MALRD1: variants seen among roughly 807,000 people sequenced by gnomAD.
The protein encoded by MALRD1 is MAM and LDL receptor class A domain containing 1, also known as MAM and LDL-receptor class A domain-containing protein 1.
MALRD1 carries 247 observed loss-of-function variants against 242.1 expected under a neutral mutation model. That is an observed-to-expected ratio of 1.02 (90% CI 0.92 to 1.13). The LOEUF is 1.13. Ranked by LOEUF, MALRD1 falls within the 50% of genes most tolerant of loss-of-function variation. The pLI is 0.00. For missense variants in MALRD1, 2,989 were observed against 2,533.1 expected, an observed-to-expected ratio of 1.18 and a Z score of -3.86; for synonymous variants, 995 against 866.6, an observed-to-expected ratio of 1.15 and a Z score of -2.60.
At chr10:19,409,869 A>G (rs1252842307) in intron 28 of MALRD1, among the ~76,000 whole-genome samples, 1 of 152,176 alleles carries the variant, frequency 6.6e-6, no homozygotes, top group Non-Finnish European at 1.5e-5. Flanking sequence ...AAGCATCTCC[A>G]TCTTCTTTTT....
intron 21 of MALRD1, among the ~76,000 whole-genome samples, chr10:19,293,750 A>G (rs895257459): frequency 6.6e-6 from 1 of 151,664 alleles, no homozygotes; most frequent in Non-Finnish European, 1.5e-5. Flanking sequence ...ACTGTGACCT[A>G]TTTGAGGGTG....
chr10:19,727,251 A>G (rs1835069541), intron 38 of MALRD1, among the ~76,000 whole-genome samples: 1 of 152,172 alleles, frequency 6.6e-6, no homozygotes, highest in Admixed American at 6.5e-5. Context: ...CCTCGAAGTC[A>G]TGTTTACTGG....
chr10:19,315,833 T>A (rs1001857688), intron 21 of MALRD1, among the ~76,000 whole-genome samples: 4 of 145,544 alleles, frequency 2.7e-5, no homozygotes, highest in Admixed American at 7.0e-5. Flanking sequence ...TTAGCTGAAA[T>A]TTTTAAATTA....
At chr10:19,537,112 A>G (rs145120324) in intron 32 of MALRD1, among the ~76,000 whole-genome samples, 244 of 152,326 alleles carry the variant, frequency 1.6e-3, no homozygotes, top group Non-Finnish European at 2.9e-3. Flanking sequence ...AAGATTGAAG[A>G]TGGAGGAAGA....
At chr10:19,627,247 G>A (rs1489434914) in intron 36 of MALRD1, among the ~76,000 whole-genome samples, 1 of 152,138 alleles carries the variant, frequency 6.6e-6, no homozygotes, top group East Asian at 1.9e-4. Context: ...ATTTCTTTGG[G>A]AAAATAGCAT....
rs551392751 is a variant in MALRD1 at position 19,455,078 on chromosome 10, TA to T, written c.5029+4590del. On this transcript the variant is annotated intron_variant, in intron 29 of 39. Transcript: ENST00000454679. ...GCTCTCTCCTTTTTGGACAAGTTAA[TA>T]AGGAAGCAAGGAAGCAAGTAGCTTA... is the stretch of plus-strand genomic sequence containing the variant. Among the ~76,000 whole-genome samples, 587 of 152,232 alleles carry T rather than the reference TA, an allele frequency of 3.9e-3. 5 individuals are homozygous for T. Among genetic ancestry groups the T allele is most frequent in the African/African-American group, 0.014 (567 of 41,544 alleles).
At chr10:19,319,438 A>G (rs918707964) in intron 21 of MALRD1, among the ~76,000 whole-genome samples, 1 of 152,104 alleles carries the variant, frequency 6.6e-6, no homozygotes, top group Non-Finnish European at 1.5e-5. Context: ...AGATGTCCAA[A>G]TACATGTGGA....
chr10:19,448,720 G>A (rs1463604653), intron 28 of MALRD1, among the ~76,000 whole-genome samples: 1 of 151,702 alleles, frequency 6.6e-6, no homozygotes, highest in African/African-American at 2.4e-5. Context: ...AAGATTTTTA[G>A]AAAATTAATT....
chr10:19,661,100 A>G (rs1256278650), intron 36 of MALRD1, among the ~76,000 whole-genome samples: 2 of 152,188 alleles, frequency 1.3e-5, no homozygotes, highest in African/African-American at 2.4e-5. Context: ...ATCTCACACC[A>G]GTTAGAATGG....
intron 1 of MALRD1, among the ~76,000 whole-genome samples, chr10:19,052,597 C>A (rs1227513720): frequency 6.6e-6 from 1 of 152,154 alleles, no homozygotes; most frequent in African/African-American, 2.4e-5. Flanking sequence ...CTCCCACCTT[C>A]CGTGCAACAA....
chr10:19,694,866 C>T (rs12250754), intron 38 of MALRD1, among the ~76,000 whole-genome samples: 4,027 of 152,194 alleles, frequency 0.026, 138 homozygotes, highest in African/African-American at 0.079. Context: ...ATGTGGCACA[C>T]ATACACCATG....
intron 21 of MALRD1, among the ~76,000 whole-genome samples, chr10:19,295,916 A>T (rs1346986572): frequency 1.3e-5 from 2 of 152,172 alleles, no homozygotes; most frequent in Non-Finnish European, 2.9e-5. Context: ...TTCCCAGGTG[A>T]TGCTGATGCT....
intron 18 of MALRD1, among the ~76,000 whole-genome samples, chr10:19,235,001 A>G (rs144655374): frequency 6.6e-6 from 1 of 152,292 alleles, no homozygotes; most frequent in Non-Finnish European, 1.5e-5. Context: ...GATGTGGGAA[A>G]CAACTAAAAA....
At position 19,607,844 on chromosome 10, in the gene MALRD1, G is replaced by A. The variant is rs1158020377; in HGVS notation, c.6012G>A (p.Gln2004=). 10 of 1,549,560 alleles carry A rather than the reference G, an allele frequency of 6.5e-6. No homozygotes were observed. The highest frequency in any genetic ancestry group is 7.8e-6 in the Non-Finnish European group (9 of 1,146,522). Residue 2004 remains glutamine (Q), a synonymous_variant, in exon 35 of 40, where the codon CAG becomes CAA. Coordinates refer to ENST00000454679, the MANE Select transcript of MALRD1 (RefSeq NM_001142308.3). ...ASSNSCIPAH[Q]RCDGFADCMD... ...CCAACAGCTGTATCCCAGCCCACCA[G>A]CGCTGTGATGGTTTTGCCGACTGCA...
At chr10:19,088,536 C>CTTTTTTTTTT (rs748953378) in intron 4 of MALRD1, among the ~76,000 whole-genome samples, 23 of 110,000 alleles carry the variant, frequency 2.1e-4, no homozygotes, top group East Asian at 5.0e-4. Context: ...CTCTTTCTTT[C>CTTTTTTTTTT]TTTTTTTTTT....
chr10:19,101,814 A>C (rs1205690681), intron 4 of MALRD1, among the ~76,000 whole-genome samples: 1 of 136,388 alleles, frequency 7.3e-6, no homozygotes, highest in Admixed American at 7.8e-5. Flanking sequence ...GAATAAATTT[A>C]TAATATATAA....
chr10:19,314,519 C>A (rs768501672), intron 21 of MALRD1, among the ~76,000 whole-genome samples: 1 of 151,566 alleles, frequency 6.6e-6, no homozygotes, highest in Non-Finnish European at 1.5e-5. Context: ...ATGGGCATAT[C>A]TGGGTGTCCG....
chr10:19,609,545 A>C (rs1308734293), intron 35 of MALRD1, among the ~76,000 whole-genome samples: 1 of 152,018 alleles, frequency 6.6e-6, no homozygotes, highest in African/African-American at 2.4e-5. Context: ...GCATCCAGTA[A>C]TTCCCATAGT....
At chr10:19,595,816 G>T (rs1338556499) in intron 34 of MALRD1, among the ~76,000 whole-genome samples, 2 of 152,120 alleles carry the variant, frequency 1.3e-5, no homozygotes, top group East Asian at 3.9e-4. Flanking sequence ...CATGAAAATG[G>T]CTCAAGTAAA....
Sources: gnomAD v4.1 joint callset for allele counts (sites outside exome capture counted in the v4.1 genomes callset) on GRCh38, gnomAD v4.1.1 for gene constraint, MANE v1.5 for transcripts, NCBI Gene and HGNC (gene_info 2026-07-23, HGNC 2026-07-21) for gene names.